BTN3A2: variants seen among roughly 807,000 people sequenced by gnomAD.
BTN3A2 encodes butyrophilin subfamily 3 member A2, also known as butyrophilin protein.
Under a neutral mutation model 37.6 loss-of-function variants are expected in BTN3A2, and 25 were observed. That is an observed-to-expected ratio of 0.66 (90% CI 0.48 to 0.93). The LOEUF (loss-of-function observed/expected upper bound fraction) is 0.93, where lower values mean the gene tolerates loss of function less well. Ranked by LOEUF, BTN3A2 falls within the 40% of genes least tolerant of loss-of-function variation. BTN3A2 has a pLI of 0.00. For missense variants in BTN3A2, 266 were observed against 410.9 expected, an observed-to-expected ratio of 0.65 and a Z score of 3.05; for synonymous variants, 122 against 159.4, an observed-to-expected ratio of 0.77 and a Z score of 1.77.
rs1759785103 is a variant in BTN3A2 at position 26,368,702 on chromosome 6, G to A, written c.223G>A (p.Val75Met). 1 of 1,613,922 alleles carries A rather than the reference G, an allele frequency of 6.2e-7. No individual in the cohort carries two copies. The highest frequency in any genetic ancestry group is 1.3e-5 in the African/African-American group (1 of 74,954). The change falls in exon 4 of 11, where the codon GTG becomes ATG. Residue 75 changes from valine (V) to methionine (M), a missense_variant. Around this residue, in one of 3 missense-constraint regions of BTN3A2, gnomAD observed 15 missense variants for 101.0 expected, o/e 0.15. Coordinates refer to ENST00000377708, the MANE Select transcript of BTN3A2 (RefSeq NM_007047.5). Reference protein sequence around the residue: ...LKWVSSSLRQVVNVYADGKEV... With the variant: ...LKWVSSSLRQMVNVYADGKEV... ...GTGGGTAAGTTCCAGCCTAAGGCAG[G>A]TGGTGAACGTGTATGCAGATGGAAA...
intron 10 of BTN3A2, chr6:26,375,146 A>G: frequency 4.0e-6 from 1 of 249,258 alleles, no homozygotes; most frequent in Non-Finnish European, 7.6e-6. Flanking sequence ...TCTGTTTTTC[A>G]TGGGGGTTGA....
chr6:26,374,381 T>C lies in BTN3A2; in HGVS notation c.*6+8T>C. 1 of 1,613,054 alleles carries C rather than the reference T, an allele frequency of 6.2e-7. No homozygotes were observed. The highest frequency in any genetic ancestry group is 8.5e-7 in the Non-Finnish European group (1 of 1,179,042). Reference sequence around the variant, plus strand: ...AAGTCAGCCTGATGCTCTGTAAGTTTGCTGGGTCACATGCCCTGAATATTT... The same window carrying C: ...AAGTCAGCCTGATGCTCTGTAAGTTCGCTGGGTCACATGCCCTGAATATTT... On this transcript the variant is annotated splice_region_variant and intron_variant, in intron 9 of 10. Transcript: ENST00000377708.
rs113010796 is a variant in BTN3A2, at chr6:26,365,639, G to A, written c.-67+287G>A. Among the ~76,000 whole-genome samples, 725 of 152,186 alleles carry A rather than the reference G, an allele frequency of 4.8e-3. 3 individuals are homozygous for A. Among genetic ancestry groups the A allele is most frequent in the African/African-American group, 0.016 (661 of 41,498 alleles). On this transcript the variant is annotated intron_variant, in intron 1 of 10. Transcript: ENST00000377708. ...TAGTGGAAGGAAAGGGAGACAACAT[G>A]AATGAAGAAATATTCCAACTGCATG...
At chr6:26,367,460 C>T (rs951023606) in intron 1 of BTN3A2, among the ~76,000 whole-genome samples, 16 of 152,334 alleles carry the variant, frequency 1.1e-4, no homozygotes, top group African/African-American at 3.6e-4. Context: ...TGTCCCATGA[C>T]TGAGATCATC....
intron 4 of BTN3A2, 43 bp from the exon 5 acceptor site, chr6:26,370,279 T>C: frequency 6.2e-7 from 1 of 1,601,096 alleles, no homozygotes; most frequent in East Asian, 2.2e-5. Flanking sequence ...CCCTCCCTAA[T>C]ACAGGAGCTA....
rs766201604 is a variant in BTN3A2 at position 26,370,439 on chromosome 6, G to A, written c.551G>A (p.Gly184Glu). Residue 184 changes from glycine to glutamate, a missense_variant, in exon 5 of 11, where the codon GGA becomes GAA. By Grantham distance (98) the Gly-to-Glu change is moderately conservative. Coordinates refer to ENST00000377708, the MANE Select transcript of BTN3A2 (RefSeq NM_007047.5). ...CAAATACAGTGGAGCAACGCCAAGG[G>A]AGAGAACATCCCAGCTGTGGAAGCA... ...QPQIQWSNAK[G>E]ENIPAVEAPV... The A allele has an allele frequency of 8.1e-6, 13 of 1,614,116 alleles. No homozygotes were observed. The East Asian group carries it at 2.0e-4, about 25-fold the overall frequency.
At chr6:26,375,028 A>G (rs2073531) in intron 10 of BTN3A2, 34,457 of 419,614 alleles carry the variant, frequency 0.082, 1,728 homozygotes, top group Non-Finnish European at 0.1. Flanking sequence ...TGCCTGCCCA[A>G]AGAACTTTGT....
chr6:26,374,228 A>ACT, intron 8 of BTN3A2, 99 bp from the exon 9 acceptor site: 1 of 502,302 alleles, frequency 2.0e-6, no homozygotes, highest in Non-Finnish European at 3.3e-6. Flanking sequence ...AAAAAAAAAA[A>ACT]AAAAAAAAAA....
intron 10 of BTN3A2, chr6:26,374,999 T>C: frequency 2.1e-6 from 1 of 477,372 alleles, no homozygotes; most frequent in Non-Finnish European, 3.5e-6. Context: ...AGGATGGAAA[T>C]GCCAAGGAGA....
In BTN3A2 at chr6:26,373,490, C is replaced by A; in HGVS notation, c.964+77C>A. 2.0e-6 allele frequency: 3 copies of A among 1,525,580 alleles called. No homozygotes were observed. In the South Asian group the frequency reaches 3.9e-5, roughly 20 times the overall value. 94.5% of individuals were successfully genotyped at this position (1,525,580 alleles called of 1,614,324 possible). A position where few individuals can be genotyped will look rare whatever the true frequency, so the allele number is the denominator to read the frequency against. On this transcript the variant is annotated intron_variant, in intron 8 of 10. Transcript: ENST00000377708. Reference sequence around the variant, plus strand: ...CTTCATTATTTTCCAGCCCATAAGTCATAGCCCAGGGTTGAAAAGTGGTCT... The same window carrying A: ...CTTCATTATTTTCCAGCCCATAAGTAATAGCCCAGGGTTGAAAAGTGGTCT...
At position 26,370,515 on chromosome 6, in the gene BTN3A2, C is replaced by T. The variant is rs1760003509; in HGVS notation, c.627C>T (p.Ile209=). Residue 209 remains isoleucine, a synonymous_variant, in exon 5 of 11, where the codon ATC becomes ATT. Coordinates refer to ENST00000377708, the MANE Select transcript of BTN3A2 (RefSeq NM_007047.5). ...TATATGAAGTAGCAGCATCTGTGATCATGAGAGGCGGCTCCGGGGAGGGTG... is the reference window on the plus strand; with the variant it reads ...TATATGAAGTAGCAGCATCTGTGATTATGAGAGGCGGCTCCGGGGAGGGTG... The part of the protein sequence containing the change: ...VGLYEVAASV[I]MRGGSGEGVS... 3 of 1,614,204 alleles carry T rather than the reference C, an allele frequency of 1.9e-6. No homozygotes were observed. Among genetic ancestry groups the T allele is most frequent in the Non-Finnish European group, 2.5e-6 (3 of 1,180,032 alleles).
intron 1 of BTN3A2, 106 bp from the exon 2 acceptor site, chr6:26,367,884 C>A (rs1300744819): frequency 2.5e-6 from 1 of 399,068 alleles, no homozygotes; most frequent in Non-Finnish European, 4.2e-6. Context: ...GAAGCTTGGA[C>A]CTGGCAAGGG....
Position 26,375,942 on chromosome 6 carries a change from C to T in BTN3A2, c.*180C>T, listed in dbSNP as rs1300311442. 3.8e-6 allele frequency: 5 copies of T among 1,332,074 alleles called. No homozygotes were observed. The highest frequency in any genetic ancestry group is 2.9e-5 in the African/African-American group (2 of 68,442). 82.5% of individuals were successfully genotyped at this position (1,332,074 alleles called of 1,614,324 possible). A position where few individuals can be genotyped will look rare whatever the true frequency, so the allele number is the denominator to read the frequency against. ...ACCTCTGAGGGCCAGCACAGCAGCT[C>T]ATGCCTGTAATCCTAGCACTTTGGA... On this transcript the variant is annotated 3_prime_UTR_variant, in exon 11 of 11. Coordinates refer to ENST00000377708, the MANE Select transcript of BTN3A2 (RefSeq NM_007047.5).
chr6:26,372,866 C>A, intron 5 of BTN3A2, 31 bp from the exon 6 acceptor site: 1 of 1,611,872 alleles, frequency 6.2e-7, no homozygotes, highest in Non-Finnish European at 8.5e-7. Context: ...AGCGCACCAG[C>A]GCCCATGACC....
chr6:26,369,439 T>A (rs145631731), intron 4 of BTN3A2, among the ~76,000 whole-genome samples: 1,617 of 152,272 alleles, frequency 0.011, 14 homozygotes, highest in Middle Eastern at 0.031. Context: ...TAAGAAGGTG[T>A]TAGAGCAGAC....
rs72500811 is a variant in BTN3A2 at position 26,373,218 on chromosome 6, C to T, written c.917-58C>T. 6,821 of 1,599,042 alleles carry T rather than the reference C, an allele frequency of 4.3e-3. 130 individuals are homozygous for T. The highest frequency in any genetic ancestry group is 0.033 in the South Asian group (2,961 of 89,706). ...AAGGTTTATTTCCCGAAACACCAAC[C>T]TCACCCATAACAGTTCATCTTTTTT... On this transcript the variant is annotated intron_variant, in intron 6 of 10. Coordinates refer to ENST00000377708, the MANE Select transcript of BTN3A2 (RefSeq NM_007047.5).
chr6:26,365,972 T>A (rs1325268245), intron 1 of BTN3A2, among the ~76,000 whole-genome samples: 1 of 152,208 alleles, frequency 6.6e-6, no homozygotes, highest in Admixed American at 6.5e-5. Context: ...TCTTTATAAT[T>A]TTAATAACAC....
chr6:26,368,469 T>G, intron 3 of BTN3A2, 96 bp from the exon 4 acceptor site: 4 of 1,585,924 alleles, frequency 2.5e-6, no homozygotes, highest in Non-Finnish European at 3.5e-6. Context: ...CCCCTCTAGG[T>G]TCTCTGTATC....
intron 8 of BTN3A2, 139 bp from the exon 9 acceptor site, chr6:26,374,188 A>G: frequency 2.1e-6 from 1 of 478,398 alleles, no homozygotes; most frequent in Non-Finnish European, 3.5e-6. Context: ...GACCATGGGG[A>G]AGGGTGGGAT....
Sources: gnomAD v4.1 joint callset for allele counts (sites outside exome capture counted in the v4.1 genomes callset) on GRCh38, gnomAD v4.1.1 for gene constraint, gnomAD v4.1.1 regional missense constraint, MANE v1.5 for transcripts, NCBI Gene and HGNC (gene_info 2026-07-23, HGNC 2026-07-21) for gene names.